WDR41: variants seen among roughly 807,000 people sequenced by gnomAD.
WDR41 encodes WD repeat domain 41.
WDR41 carries 63 observed loss-of-function variants against 69.3 expected under a neutral mutation model. The ratio of observed to expected loss-of-function variants is 0.91; its 90% CI spans 0.74 to 1.12. WDR41 has a LOEUF of 1.12. Ranked by LOEUF, WDR41 falls within the 50% of genes most tolerant of loss-of-function variation. The probability of loss-of-function intolerance (pLI) is 0.00; values close to 1 mark genes in which losing one functional copy is unlikely to be tolerated. For missense variants in WDR41, 543 were observed against 534.5 expected (o/e 1.02, Z -0.16); for synonymous variants, 185 against 192.1 (o/e 0.96, Z 0.31).
Position 77,438,280 on chromosome 5 carries a change from G to T in WDR41, c.964C>A (p.His322Asn), listed in dbSNP as rs754992543. 1.9e-6 allele frequency: 3 copies of T among 1,613,980 alleles called. No homozygotes were observed. The African/African-American group carries it at 4.0e-5, about 22-fold the overall frequency. Residue 322 changes from histidine (H) to asparagine (N), a missense_variant, in exon 10 of 13, where the codon CAT (histidine) becomes AAT (asparagine). Coordinates refer to ENST00000296679, the MANE Select transcript of WDR41 (RefSeq NM_018268.4). ...KRVIACQKTA[H>N]DSNVLHVARL... ...GCAACGTGCAGGACATTGGAGTCAT[G>T]TGCAGTTTTCTGGCAGGCAATCACA...
At chr5:77,459,970 T>C (rs1482376977) in intron 4 of WDR41, among the ~76,000 whole-genome samples, 2 of 152,182 alleles carry the variant, frequency 1.3e-5, no homozygotes, top group Non-Finnish European at 2.9e-5. Context: ...CTGGCCTAAC[T>C]TATATGTGCT....
At chr5:77,458,055 C>A (rs959289049) in intron 5 of WDR41, among the ~76,000 whole-genome samples, 1 of 151,984 alleles carries the variant, frequency 6.6e-6, no homozygotes, top group Admixed American at 6.6e-5. Flanking sequence ...GGAAACTTAA[C>A]GACCTTAGTT....
upstream of WDR41, among the ~76,000 whole-genome samples, chr5:77,492,937 T>C (rs1581771527): frequency 6.6e-6 from 1 of 152,198 alleles, no homozygotes; most frequent in Non-Finnish European, 1.5e-5. Flanking sequence ...AGTGGCTACA[T>C]TGGTAGTGTT....
At chr5:77,555,738 A>G (rs1337835911) in intron 1 of WDR41, among the ~76,000 whole-genome samples, 1 of 152,228 alleles carries the variant, frequency 6.6e-6, no homozygotes, top group Non-Finnish European at 1.5e-5. Flanking sequence ...AAAGAGATAA[A>G]AAGACTAAAT....
chr5:77,434,686 G>C (rs898773520), intron 12 of WDR41, among the ~76,000 whole-genome samples: 3 of 152,050 alleles, frequency 2.0e-5, no homozygotes, highest in Admixed American at 2.0e-4. Context: ...AACAGAGTGA[G>C]ATGCTGTCTC....
chr5:77,567,850 C>T (rs769203203), intron 1 of WDR41, among the ~76,000 whole-genome samples: 11 of 151,790 alleles, frequency 7.2e-5, no homozygotes, highest in Middle Eastern at 3.4e-3. Flanking sequence ...CTACTCCTCC[C>T]GTCTCATCCC....
intron 1 of WDR41, among the ~76,000 whole-genome samples, chr5:77,524,084 T>C (rs1459106393): frequency 2.0e-5 from 3 of 152,230 alleles, no homozygotes; most frequent in South Asian, 2.1e-4. Flanking sequence ...ACAGTGTTCA[T>C]GTGTTCACAA....
intron 1 of WDR41, among the ~76,000 whole-genome samples, chr5:77,580,919 G>A (rs896235997): frequency 6.6e-6 from 1 of 151,756 alleles, no homozygotes; most frequent in Non-Finnish European, 1.5e-5. Context: ...TTGCACTACT[G>A]CACTCCAGCC....
At chr5:77,585,567 C>A (rs952470184) in intron 1 of WDR41, among the ~76,000 whole-genome samples, 4 of 152,120 alleles carry the variant, frequency 2.6e-5, no homozygotes, top group Non-Finnish European at 4.4e-5. Context: ...AATCGTGGAA[C>A]CAACCCAAAT....
chr5:77,559,972 G>C (rs1283598251), intron 1 of WDR41, among the ~76,000 whole-genome samples: 2 of 152,026 alleles, frequency 1.3e-5, no homozygotes, highest in African/African-American at 4.8e-5. Flanking sequence ...CAGTGTGTGA[G>C]ACACAAGGTA....
At chr5:77,572,117 GAGA>G (rs1176299037) in intron 1 of WDR41, among the ~76,000 whole-genome samples, 1 of 152,128 alleles carries the variant, frequency 6.6e-6, no homozygotes, top group Non-Finnish European at 1.5e-5. Flanking sequence ...AAAAAAAAGG[GAGA>G]AGAAGGTTCA....
chr5:77,520,904 T>C (rs1802360294), intron 1 of WDR41, among the ~76,000 whole-genome samples: 1 of 152,200 alleles, frequency 6.6e-6, no homozygotes, highest in Non-Finnish European at 1.5e-5. Context: ...AATTTGCTCT[T>C]CAGCCGTCAT....
intron 1 of WDR41, among the ~76,000 whole-genome samples, chr5:77,519,305 T>C (rs1242884457): frequency 6.6e-6 from 1 of 151,964 alleles, no homozygotes; most frequent in Non-Finnish European, 1.5e-5. Context: ...ACCAAACTTA[T>C]CAAACTATAC....
intron 1 of WDR41, among the ~76,000 whole-genome samples, chr5:77,531,650 T>G (rs904076095): frequency 1.1e-4 from 16 of 151,846 alleles, no homozygotes; most frequent in African/African-American, 3.9e-4. Context: ...TCAAAAAAAG[T>G]AAAAACAGGT....
intron 1 of WDR41, among the ~76,000 whole-genome samples, chr5:77,596,202 C>T (rs1386291249): frequency 6.6e-6 from 1 of 152,156 alleles, no homozygotes; most frequent in Non-Finnish European, 1.5e-5. Context: ...AGCTAGAGTG[C>T]AGTGGTGTGA....
Position 77,438,382 on chromosome 5 carries a change from A to C in WDR41, c.883-21T>G, listed in dbSNP as rs1183821830. ...ACATTCTAGGGGAAGAAGTTCAGAA[A>C]TGGGCATAAAACTAGCACTCACCCT... On this transcript the variant is annotated intron_variant, in intron 9 of 12. Transcript: ENST00000296679. 3.1e-6 allele frequency: 5 copies of C among 1,613,080 alleles called. No individual in the cohort carries two copies. In the African/African-American group the frequency reaches 5.3e-5, roughly 17 times the overall value.
At chr5:77,583,653 C>G (rs1303939530) in intron 1 of WDR41, among the ~76,000 whole-genome samples, 1 of 152,046 alleles carries the variant, frequency 6.6e-6, no homozygotes, top group Non-Finnish European at 1.5e-5. Context: ...GTGAAACTCC[C>G]AGGCCCAGTT....
At chr5:77,575,926 C>T (rs747137400) in intron 1 of WDR41, among the ~76,000 whole-genome samples, 3 of 152,128 alleles carry the variant, frequency 2.0e-5, no homozygotes, top group Non-Finnish European at 2.9e-5. Flanking sequence ...TCCCAAGAAC[C>T]ATAAAGTGAC....
chr5:77,582,963 T>G, intron 1 of WDR41: 3 of 1,608,048 alleles, frequency 1.9e-6, no homozygotes, highest in Non-Finnish European at 2.5e-6. Context: ...AGATCTATAC[T>G]GTTGGAAAAC....
Sources: gnomAD v4.1 joint callset for allele counts (sites outside exome capture counted in the v4.1 genomes callset) on GRCh38, gnomAD v4.1.1 for gene constraint, MANE v1.5 for transcripts, NCBI Gene and HGNC (gene_info 2026-07-23, HGNC 2026-07-21) for gene names.